Variants in DNAH6 observed in about 807,000 individuals in gnomAD.
DNAH6 encodes the protein axonemal beta dynein heavy chain 6.
A neutral mutation model predicts 491.4 loss-of-function variants in DNAH6; 340 were observed. The observed-to-expected ratio is 0.69, with a 90% CI of 0.63 to 0.76. The LOEUF (loss-of-function observed/expected upper bound fraction) is 0.76. Ranked by LOEUF, DNAH6 falls within the 30% of genes least tolerant of loss-of-function variation. DNAH6 has a pLI of 0.00. For missense variants in DNAH6, 4,443 were observed against 4,972.2 expected (o/e 0.89, Z 3.20); for synonymous variants, 1,603 against 1,686.1 (o/e 0.95, Z 1.21).
At chr2:84,738,476 A>G (rs1672214409) in intron 62 of DNAH6, among the ~76,000 whole-genome samples, 1 of 152,098 alleles carries the variant, frequency 6.6e-6, no homozygotes, top group Non-Finnish European at 1.5e-5. Flanking sequence ...TGTACTGCCA[A>G]AGTCTTTCAT....
chr2:84,679,244 T>C (rs1215204230), intron 41 of DNAH6, among the ~76,000 whole-genome samples: 1 of 152,210 alleles, frequency 6.6e-6, no homozygotes, highest in Non-Finnish European at 1.5e-5. Context: ...GTACTTTCTT[T>C]GATAGTCTGT....
At chr2:84,806,618 C>CAAAAA (rs1162301447) in intron 71 of DNAH6, among the ~76,000 whole-genome samples, 1 of 38,500 alleles carries the variant, frequency 2.6e-5, no homozygotes, top group Non-Finnish European at 5.3e-5. Context: ...GACTCAGTCT[C>CAAAAA]AAAAAAAAAA....
chr2:84,807,432 G>A (rs1426705196), intron 71 of DNAH6, among the ~76,000 whole-genome samples: 1 of 152,202 alleles, frequency 6.6e-6, no homozygotes, highest in Non-Finnish European at 1.5e-5. Context: ...GGAGAAAGAA[G>A]AGCTACATTT....
At chr2:84,750,308 A>G (rs1344273389) in intron 63 of DNAH6, among the ~76,000 whole-genome samples, 1 of 149,444 alleles carries the variant, frequency 6.7e-6, no homozygotes, top group African/African-American at 2.5e-5. Context: ...TCAGCCTCCC[A>G]AGTAGCTGGG....
chr2:84,660,459 A>G (rs1226890542), intron 37 of DNAH6, among the ~76,000 whole-genome samples: 1 of 152,184 alleles, frequency 6.6e-6, no homozygotes, highest in East Asian at 1.9e-4. Flanking sequence ...GCTAATACCA[A>G]CTAACCTATG....
intron 18 of DNAH6, 124 bp from the exon 19 acceptor site, chr2:84,604,213 GCT>G: frequency 1.4e-6 from 1 of 709,716 alleles, no homozygotes; most frequent in Non-Finnish European, 2.3e-6. Flanking sequence ...TCCAGATTTT[GCT>G]CTGTGGAAAG....
intron 61 of DNAH6, among the ~76,000 whole-genome samples, chr2:84,732,434 G>T (rs978665833): frequency 6.6e-6 from 1 of 152,120 alleles, no homozygotes; most frequent in Non-Finnish European, 1.5e-5. Context: ...TTTATACAAT[G>T]GAATATTATT....
intron 41 of DNAH6, among the ~76,000 whole-genome samples, chr2:84,679,217 C>T (rs527452883): frequency 3.3e-5 from 5 of 152,188 alleles, no homozygotes; most frequent in Admixed American, 6.5e-5. Flanking sequence ...AGTGTTAACA[C>T]GATTAGTCCT....
rs1558813872 is a variant in DNAH6 at position 84,624,397 on chromosome 2, G to A, written c.4197+7G>A. ...TGAACTTGTTCAATCCAAGGTAACT[G>A]TTTCATTTAAGTAAAATTATATACT... On this transcript the variant is annotated splice_region_variant and intron_variant, in intron 27 of 76. Coordinates refer to ENST00000389394, the MANE Select transcript of DNAH6 (RefSeq NM_001370.2). 6.5e-7 allele frequency: 1 copy of A among 1,549,754 alleles called. No homozygotes were observed. The highest frequency in any genetic ancestry group is 1.4e-5 in the African/African-American group (1 of 72,904).
At chr2:84,512,520 A>T (rs1405163762), upstream of DNAH6, among the ~76,000 whole-genome samples, 1 of 152,182 alleles carries the variant, frequency 6.6e-6, no homozygotes, top group Non-Finnish European at 1.5e-5. Context: ...TGTTGCATTG[A>T]GGATTAATTT....
intron 43 of DNAH6, among the ~76,000 whole-genome samples, chr2:84,685,882 A>T (rs189928657): frequency 2.4e-3 from 371 of 152,296 alleles, no homozygotes; most frequent in African/African-American, 8.5e-3. Context: ...GAGAAAGAGC[A>T]TTTTGTCTGA....
At chr2:84,548,236 G>A in intron 7 of DNAH6, 52 bp from the exon 8 acceptor site, 1 of 1,529,026 alleles carries the variant, frequency 6.5e-7, no homozygotes, top group Non-Finnish European at 8.8e-7. Flanking sequence ...TATTGAAAGA[G>A]ATGGAACTTT....
chr2:84,786,936 T>C (rs1278202849), intron 67 of DNAH6, among the ~76,000 whole-genome samples: 3 of 152,318 alleles, frequency 2.0e-5, no homozygotes, highest in South Asian at 4.1e-4. Context: ...TTCAAATTTC[T>C]GGTAATAGCA....
chr2:84,725,945 G>T (rs775262919), intron 60 of DNAH6, among the ~76,000 whole-genome samples: 1 of 152,082 alleles, frequency 6.6e-6, no homozygotes, highest in Admixed American at 6.5e-5. Context: ...TATTACCTTT[G>T]TCAACAAAAC....
intron 70 of DNAH6, among the ~76,000 whole-genome samples, chr2:84,797,965 A>G (rs1426447401): frequency 6.6e-6 from 1 of 152,154 alleles, no homozygotes; most frequent in Non-Finnish European, 1.5e-5. Flanking sequence ...TTCAATAATA[A>G]TATAACCCTC....
chr2:84,683,156 C>T (rs774357560), intron 42 of DNAH6, among the ~76,000 whole-genome samples: 12 of 152,112 alleles, frequency 7.9e-5, no homozygotes, highest in Admixed American at 3.3e-4. Flanking sequence ...GTAATCATAT[C>T]GCACATATTT....
chr2:84,685,296 C>A, intron 42 of DNAH6, 30 bp from the exon 43 acceptor site: 1 of 1,075,860 alleles, frequency 9.3e-7, no homozygotes, highest in Non-Finnish European at 1.2e-6. Context: ...TAGAATTTTT[C>A]TTTTTTTTTT....
At chr2:84,762,689 G>C (rs1674702890) in intron 63 of DNAH6, 66 bp from the exon 64 acceptor site, 1 of 1,242,950 alleles carries the variant, frequency 8.0e-7, no homozygotes, top group African/African-American at 1.5e-5. Context: ...AGCTGAAGGA[G>C]AAAATTAGGA....
chr2:84,792,476 T>C (rs1217899663), intron 68 of DNAH6, among the ~76,000 whole-genome samples: 1 of 152,200 alleles, frequency 6.6e-6, no homozygotes, highest in Non-Finnish European at 1.5e-5. Context: ...AACATAAGTA[T>C]ATACGTATGT....
Sources: allele counts gnomAD v4.1 joint callset (sites outside exome capture counted in the v4.1 genomes callset), GRCh38; gene constraint gnomAD v4.1.1; transcripts MANE v1.5; gene names NCBI Gene and HGNC (gene_info 2026-07-23, HGNC 2026-07-21).